Variants in MEF2C observed in about 807,000 individuals in gnomAD.
MEF2C encodes myocyte-specific enhancer factor 2C.
Under a neutral mutation model 50.5 loss-of-function variants are expected in MEF2C, and 6 were observed. The observed-to-expected ratio is 0.12, with a 90% CI of 0.07 to 0.23. The LOEUF (loss-of-function observed/expected upper bound fraction) is 0.23, where lower values mean the gene tolerates loss of function less well. Among genes scored for constraint, MEF2C ranks in the 10% least tolerant of loss-of-function variants. The probability of loss-of-function intolerance (pLI) is 1.00; values close to 1 mark genes in which losing one functional copy is unlikely to be tolerated. For synonymous variants in MEF2C, 183 were observed against 228.0 expected, an observed-to-expected ratio of 0.80 and a Z score of 1.78; for missense variants, 276 against 605.0, an observed-to-expected ratio of 0.46 and a Z score of 5.70.
At chr5:88,835,112 T>C (rs1814554626) in intron 1 of MEF2C, among the ~76,000 whole-genome samples, 1 of 152,236 alleles carries the variant, frequency 6.6e-6, no homozygotes, top group Non-Finnish European at 1.5e-5. Context: ...TTGAAACACC[T>C]CTTTTCATTT....
chr5:88,858,900 G>T (rs1330345163), intron 1 of MEF2C, among the ~76,000 whole-genome samples: 3 of 152,166 alleles, frequency 2.0e-5, no homozygotes, highest in Non-Finnish European at 4.4e-5. Flanking sequence ...CCCCAGGAAG[G>T]TAGTAGTGAG....
At chr5:88,825,377 G>A in intron 1 of MEF2C, 1 of 455,838 alleles carries the variant, frequency 2.2e-6, no homozygotes, top group South Asian at 9.2e-5. Flanking sequence ...ATTCTCTTTT[G>A]CCTCACGCCT....
At chr5:88,799,172 G>A (rs1340977789) in intron 3 of MEF2C, among the ~76,000 whole-genome samples, 1 of 152,202 alleles carries the variant, frequency 6.6e-6, no homozygotes, top group Admixed American at 6.5e-5. Flanking sequence ...CTCAAGTACT[G>A]TGCTGGGAGA....
At chr5:88,809,233 G>A (rs970541050) in intron 2 of MEF2C, among the ~76,000 whole-genome samples, 2 of 151,956 alleles carry the variant, frequency 1.3e-5, no homozygotes, top group African/African-American at 2.4e-5. Context: ...TATTAGGTGC[G>A]AAGGAAAAAC....
At chr5:88,852,545 G>A (rs1363055527) in intron 1 of MEF2C, among the ~76,000 whole-genome samples, 5 of 152,028 alleles carry the variant, frequency 3.3e-5, no homozygotes, top group Non-Finnish European at 4.4e-5. Context: ...TTTTCCAAGC[G>A]ATAATTAAAA....
chr5:88,802,883 C>T (rs1290527161), intron 3 of MEF2C, among the ~76,000 whole-genome samples: 1 of 152,192 alleles, frequency 6.6e-6, no homozygotes, highest in African/African-American at 2.4e-5. Context: ...CCAATTGGCT[C>T]ATTATGGATC....
intron 3 of MEF2C, among the ~76,000 whole-genome samples, chr5:88,788,647 G>T (rs1438927835): frequency 6.6e-6 from 1 of 152,182 alleles, no homozygotes; most frequent in Non-Finnish European, 1.5e-5. Flanking sequence ...TGGATAGTGA[G>T]ACTGAAAAGC....
intron 4 of MEF2C, among the ~76,000 whole-genome samples, chr5:88,753,592 T>C (rs1186870405): frequency 2.0e-5 from 3 of 152,300 alleles, no homozygotes; most frequent in South Asian, 2.1e-4. Flanking sequence ...GGTTTTGCCA[T>C]GTTGCCCAGG....
chr5:88,851,093 C>T (rs1221245762), intron 1 of MEF2C, among the ~76,000 whole-genome samples: 4 of 151,842 alleles, frequency 2.6e-5, no homozygotes, highest in Non-Finnish European at 5.9e-5. Flanking sequence ...ATTAGCTGGG[C>T]GTGGTGGCGT....
chr5:88,873,205 A>C (rs976754880), intron 1 of MEF2C, among the ~76,000 whole-genome samples: 1 of 151,992 alleles, frequency 6.6e-6, no homozygotes, highest in African/African-American at 2.4e-5. Flanking sequence ...CGAATATACC[A>C]TCCAGTGACT....
chr5:88,750,773 C>T (rs2431391), intron 5 of MEF2C, among the ~76,000 whole-genome samples: 74,138 of 151,970 alleles, frequency 0.49, 19,402 homozygotes, highest in East Asian at 0.59. Context: ...ATGAATTTAA[C>T]TGTATTTTCT....
chr5:88,862,889 C>T (rs1180926423), intron 1 of MEF2C, among the ~76,000 whole-genome samples: 1 of 152,186 alleles, frequency 6.6e-6, no homozygotes, highest in East Asian at 1.9e-4. Context: ...CTTCTGATAC[C>T]ATCTTCACGG....
In MEF2C at chr5:88,800,906, T is replaced by C. The variant is rs1043721952; in HGVS notation, c.258+3692A>G. ...CTAAACAGATATTCAAGCTGCATTA[T>C]AATATAATCATAAAAAAACTGATCT... On this transcript the variant is annotated intron_variant, in intron 3 of 10. Coordinates refer to ENST00000504921, the MANE Select transcript of MEF2C (RefSeq NM_002397.5). Among the ~76,000 whole-genome samples, 4 of 152,140 alleles carry C rather than the reference T, an allele frequency of 2.6e-5. No individual in the cohort carries two copies. In the South Asian group the frequency reaches 8.3e-4, roughly 31 times the overall value.
intron 4 of MEF2C, 198 bp downstream of exon 4, chr5:88,760,987 C>G (rs757565704): frequency 1.2e-6 from 2 of 1,605,890 alleles, no homozygotes; most frequent in South Asian, 2.2e-5. Context: ...TTGGTACTTA[C>G]AGGAATTTTA....
At chr5:88,879,713 T>C (rs906681900) in intron 1 of MEF2C, among the ~76,000 whole-genome samples, 4 of 152,040 alleles carry the variant, frequency 2.6e-5, no homozygotes, top group African/African-American at 7.2e-5. Flanking sequence ...AATGAAGACA[T>C]ACATAAAAAA....
intron 1 of MEF2C, among the ~76,000 whole-genome samples, chr5:88,855,939 C>A (rs1161051295): frequency 1.3e-5 from 2 of 152,124 alleles, no homozygotes; most frequent in Non-Finnish European, 2.9e-5. Flanking sequence ...GTGAAAGCAA[C>A]TTTGGAACTG....
chr5:88,739,877 T>C (rs909324362), intron 6 of MEF2C: 2 of 985,348 alleles, frequency 2.0e-6, no homozygotes, highest in Non-Finnish European at 2.4e-6. Flanking sequence ...AGATTTCTGA[T>C]TCTTATCTTG....
intron 3 of MEF2C, among the ~76,000 whole-genome samples, chr5:88,790,624 A>G (rs921742465): frequency 2.0e-5 from 3 of 152,088 alleles, no homozygotes; most frequent in Non-Finnish European, 1.5e-5. Context: ...TTGTAATTTA[A>G]TTATTTATTT....
intron 1 of MEF2C, among the ~76,000 whole-genome samples, chr5:88,854,997 G>T (rs1438968907): frequency 6.6e-6 from 1 of 152,154 alleles, no homozygotes; most frequent in Non-Finnish European, 1.5e-5. Context: ...CTTATGTGTG[G>T]TTTACTACCC....
Sources: allele counts gnomAD v4.1 joint callset (sites outside exome capture counted in the v4.1 genomes callset), GRCh38; gene constraint gnomAD v4.1.1; transcripts MANE v1.5; gene names NCBI Gene and HGNC (gene_info 2026-07-23, HGNC 2026-07-21).